AKAP8: variants seen among roughly 807,000 people sequenced by gnomAD.
The protein encoded by AKAP8 is A-kinase anchoring protein 8, also known as A-kinase anchor protein 8.
In AKAP8, 24 loss-of-function variants were observed where a neutral mutation model predicts 67.5. The ratio of observed to expected loss-of-function variants is 0.36; its 90% CI spans 0.26 to 0.50. The LOEUF is 0.50. AKAP8 is among the 20% of genes least tolerant of loss of function. The pLI, the probability that AKAP8 is intolerant of heterozygous loss-of-function variation, is 0.97. For missense variants in AKAP8, 971 were observed against 955.9 expected (o/e 1.02, Z -0.21); for synonymous variants, 400 against 371.1 (o/e 1.08, Z -0.90).
chr19:15,372,018 G>A lies in AKAP8; in HGVS notation c.992-20C>T. The A allele has an allele frequency of 6.2e-7, 1 of 1,614,030 alleles. No individual in the cohort carries two copies. The highest frequency in any genetic ancestry group is 1.1e-5 in the South Asian group (1 of 91,062). ...CGTCATCTGCCAGACACAAAGAAAG[G>A]AAAAGTCAGTCCCCGGAGAACGGTC... On this transcript the variant is annotated intron_variant, in intron 6 of 13. Coordinates refer to ENST00000269701, the MANE Select transcript of AKAP8 (RefSeq NM_005858.4).
At chr19:15,371,088 C>G (rs541542610) in intron 7 of AKAP8, among the ~76,000 whole-genome samples, 1 of 152,278 alleles carries the variant, frequency 6.6e-6, no homozygotes, top group African/African-American at 2.4e-5. Flanking sequence ...AAATAGGGAT[C>G]AAGTGAGACT....
At position 15,372,234 on chromosome 19, in the gene AKAP8, T is replaced by C. The variant is rs773576216; in HGVS notation, c.975A>G (p.Gly325=). The change falls in exon 6 of 14, where the codon GGA becomes GGG. Residue 325 remains glycine, a synonymous_variant. Coordinates refer to ENST00000269701, the MANE Select transcript of AKAP8 (RefSeq NM_005858.4). ...AGGACATACCATTTTCGGAGAAATC[T>C]CCTTCACTGTCAACCCGGGCCAGTT... ...DTKLARVDSE[G]DFSENDDAAG... is the part of the protein sequence containing the mutation. The C allele has an allele frequency of 1.2e-6, 2 of 1,614,092 alleles. No homozygotes were observed. The highest frequency in any genetic ancestry group is 8.5e-7 in the Non-Finnish European group (1 of 1,180,044).
chr19:15,357,874 G>A (rs1407858080), intron 13 of AKAP8, among the ~76,000 whole-genome samples: 2 of 151,694 alleles, frequency 1.3e-5, no homozygotes, highest in Non-Finnish European at 2.9e-5. Flanking sequence ...TACAGACAGG[G>A]TTTCACCATG....
chr19:15,378,731 C>T (rs1967305131), intron 1 of AKAP8, among the ~76,000 whole-genome samples: 1 of 152,212 alleles, frequency 6.6e-6, no homozygotes, highest in Non-Finnish European at 1.5e-5. Context: ...AGACCACTAG[C>T]TTCTCTACAA....
At position 15,354,752 on chromosome 19, in the gene AKAP8, A is replaced by T; in HGVS notation, c.*163T>A. 1.3e-6 allele frequency: 1 copy of T among 749,628 alleles called. No homozygotes were observed. 46.4% of individuals were successfully genotyped at this position (749,628 alleles called of 1,614,324 possible). Reference sequence around the variant, plus strand: ...AAGAAGCCACACGACTGCATGAGACAAGCCGTGAGAGGCACTGCTCAGGAG... The same window carrying T: ...AAGAAGCCACACGACTGCATGAGACTAGCCGTGAGAGGCACTGCTCAGGAG... On this transcript the variant is annotated 3_prime_UTR_variant, in exon 14 of 14. Transcript: ENST00000269701.
At chr19:15,375,039 C>T (rs1200412887) in intron 2 of AKAP8, among the ~76,000 whole-genome samples, 2 of 152,178 alleles carry the variant, frequency 1.3e-5, no homozygotes, top group Admixed American at 6.5e-5. Flanking sequence ...AAAGTCACGT[C>T]CTCAACTCAA....
At chr19:15,379,681 T>A (rs1378848681) in intron 1 of AKAP8, 32 bp downstream of exon 1, 1 of 1,603,450 alleles carries the variant, frequency 6.2e-7, no homozygotes, top group South Asian at 1.1e-5. Flanking sequence ...GAGCCTTCCC[T>A]CCCCGCTCCG....
chr19:15,376,093 C>A (rs989651585), intron 2 of AKAP8, among the ~76,000 whole-genome samples: 2 of 152,066 alleles, frequency 1.3e-5, no homozygotes, highest in Admixed American at 6.6e-5. Flanking sequence ...CCACGCCCCA[C>A]TAATTTTTCA....
In AKAP8 at chr19:15,369,024, C is replaced by T. The variant is rs1363227891; in HGVS notation, c.1073-702G>A. ...ATCCCAGCATGAGGCCAGGGACGGA[C>T]GCTGAAAAAAGGTTGGAGAAGCATC... is the stretch of plus-strand genomic sequence containing the variant. On this transcript the variant is annotated intron_variant, in intron 8 of 13. Coordinates refer to ENST00000269701, the MANE Select transcript of AKAP8 (RefSeq NM_005858.4). The surrounding 1 kb of genome is among the most constrained non-coding windows in gnomAD (Gnocchi z 4.6). The T allele has an allele frequency of 6.1e-6, 6 of 985,648 alleles. No individual in the cohort carries two copies. The highest frequency in any genetic ancestry group is 4.7e-5 in the South Asian group (1 of 21,290). The allele number at this position is 985,648 out of a possible 1,614,324, so 61.1% of individuals were successfully genotyped here. A position where few individuals can be genotyped will look rare whatever the true frequency, so the allele number is the denominator to read the frequency against.
Position 15,373,175 on chromosome 19 carries a change from C to T in AKAP8, c.537G>A (p.Glu179=). Residue 179 remains glutamate, a synonymous_variant, in exon 5 of 14, where the codon GAG becomes GAA. Coordinates refer to ENST00000269701, the MANE Select transcript of AKAP8 (RefSeq NM_005858.4). ...QYSECRDPAR[E]RGSLDGFMRG... ...GCATGAAGCCATCAAGGGAGCCCCG[C>T]TCCCGGGCTGGGTCTCGGCATTCAC... 1 of 1,613,664 alleles carries T rather than the reference C, an allele frequency of 6.2e-7. No individual in the cohort carries two copies.
At chr19:15,357,708 CTT>C (rs869102920) in intron 13 of AKAP8, among the ~76,000 whole-genome samples, 41 of 120,982 alleles carry the variant, frequency 3.4e-4, no homozygotes, top group Non-Finnish European at 4.7e-4. Flanking sequence ...TTTCCTCCCT[CTT>C]TTTTTTTTTT....
chr19:15,364,464 C>T (rs1004184526), intron 9 of AKAP8, among the ~76,000 whole-genome samples: 2 of 152,206 alleles, frequency 1.3e-5, no homozygotes, highest in South Asian at 2.1e-4. Context: ...GATTCTCCTG[C>T]GTCAGCCTCC....
rs201282711 is a variant in AKAP8 at position 15,360,991 on chromosome 19, G to C, written c.1397-13C>G. 6.2e-6 allele frequency: 10 copies of C among 1,610,810 alleles called. No individual in the cohort carries two copies. The highest frequency in any genetic ancestry group is 1.6e-4 in the Middle Eastern group (1 of 6,078). On this transcript the variant is annotated splice_polypyrimidine_tract_variant and intron_variant, in intron 11 of 13. Coordinates refer to ENST00000269701, the MANE Select transcript of AKAP8 (RefSeq NM_005858.4). ...TCCTGGCCAATCCCTGCCAGGAAAC[G>C]CATGTCTTGTAGGATCTGGGACAGC...
intron 13 of AKAP8, among the ~76,000 whole-genome samples, chr19:15,358,591 T>C (rs962792470): frequency 1.3e-5 from 2 of 152,154 alleles, no homozygotes; most frequent in African/African-American, 4.8e-5. Flanking sequence ...TCACTCACTG[T>C]AGCCTCAAAT....
chr19:15,368,378 T>A, intron 8 of AKAP8, 56 bp from the exon 9 acceptor site: 1 of 1,610,740 alleles, frequency 6.2e-7, no homozygotes, highest in Non-Finnish European at 8.5e-7. Context: ...GGAGCTGAGC[T>A]CCAGGGCCTG....
At chr19:15,367,267 C>T (rs192550631) in intron 9 of AKAP8, among the ~76,000 whole-genome samples, 4 of 152,154 alleles carry the variant, frequency 2.6e-5, no homozygotes, top group African/African-American at 7.2e-5. Flanking sequence ...CAGTGGCTCA[C>T]GCTTGTAATA....
chr19:15,360,716 C>T (rs1966950336), intron 12 of AKAP8, 132 bp downstream of exon 12: 1 of 1,156,654 alleles, frequency 8.6e-7, no homozygotes, highest in Non-Finnish European at 1.2e-6. Context: ...TCTTACGACC[C>T]ATCGATGGAA....
Position 15,355,022 on chromosome 19 carries a change from C to A in AKAP8, c.1972G>T (p.Ala658Ser), listed in dbSNP as rs764405941. The change falls in exon 14 of 14, where the codon GCA (alanine) becomes TCA (serine). Residue 658 changes from alanine (A) to serine (S), a missense_variant. Physicochemically the swap from Ala to Ser is moderately conservative, Grantham distance 99. Around this residue, in one of 3 missense-constraint regions of AKAP8, gnomAD observed 204 missense variants for 193.0 expected, o/e 1.06. Coordinates refer to ENST00000269701, the MANE Select transcript of AKAP8 (RefSeq NM_005858.4). ...EAGNGAETMA[A>S]EAESAQTRVA... The stretch of plus-strand genomic sequence containing the variant: ...CTGGTTTGGGCACTTTCTGCCTCTG[C>A]TGCCATTGTCTCGGCGCCATTTCCA... 1 of 1,614,042 alleles carries A rather than the reference C, an allele frequency of 6.2e-7. No homozygotes were observed. The highest frequency in any genetic ancestry group is 1.3e-5 in the African/African-American group (1 of 74,938).
chr19:15,368,177 C>T, intron 9 of AKAP8, 58 bp downstream of exon 9: 7 of 1,597,610 alleles, frequency 4.4e-6, no homozygotes, highest in East Asian at 2.2e-5. Context: ...GTGAGCTCGG[C>T]AGCGCCTCCA....
Sources: gnomAD v4.1 joint callset for allele counts (sites outside exome capture counted in the v4.1 genomes callset) on GRCh38, gnomAD v4.1.1 for gene constraint, gnomAD v4.1.1 regional missense constraint, Gnocchi (gnomAD v3.1) non-coding constraint, MANE v1.5 for transcripts, NCBI Gene and HGNC (gene_info 2026-07-23, HGNC 2026-07-21) for gene names.